SV2C: variants seen among roughly 807,000 people sequenced by gnomAD.
The protein encoded by SV2C is solute carrier family 22 member B3.
In SV2C, 49 loss-of-function variants were observed where a neutral mutation model predicts 79.7. That is an observed-to-expected ratio of 0.61 (90% CI 0.49 to 0.78). The LOEUF is 0.78. Among genes scored for constraint, SV2C ranks in the 30% least tolerant of loss-of-function variants. The probability of loss-of-function intolerance (pLI) is 0.00; values close to 1 mark genes in which losing one functional copy is unlikely to be tolerated. For synonymous variants in SV2C, 334 were observed against 333.2 expected (o/e 1.00, Z -0.03); for missense variants, 833 against 912.9 (o/e 0.91, Z 1.13).
the SV2C span, among the ~76,000 whole-genome samples, chr5:76,012,881 T>C: frequency 6.6e-6 from 1 of 152,148 alleles, no homozygotes; most frequent in African/African-American, 2.4e-5. Flanking sequence ...CCATTGCTTG[T>C]TTTTGTGAGG....
the SV2C span, among the ~76,000 whole-genome samples, chr5:75,906,433 CT>C: frequency 2.6e-3 from 353 of 137,000 alleles, no homozygotes; most frequent in Admixed American, 3.1e-3. Flanking sequence ...TTCATGTCTG[CT>C]TTTTTTTTTT....
intron 4 of SV2C, among the ~76,000 whole-genome samples, chr5:76,264,659 T>G (rs2972824): frequency 6.6e-6 from 1 of 152,004 alleles, no homozygotes; most frequent in South Asian, 2.1e-4. Context: ...TACTGCTGTC[T>G]GTTTGTTAGT....
chr5:76,105,829 TG>T (rs750016514), intron 1 of SV2C, among the ~76,000 whole-genome samples: 185 of 152,268 alleles, frequency 1.2e-3, no homozygotes, highest in Middle Eastern at 3.4e-3. Flanking sequence ...CAATCTTCTT[TG>T]CTGGTTTACG....
At chr5:76,287,243 G>A (rs1747387178) in intron 6 of SV2C, among the ~76,000 whole-genome samples, 1 of 152,084 alleles carries the variant, frequency 6.6e-6, no homozygotes, top group Admixed American at 6.6e-5. Flanking sequence ...TTCACACATG[G>A]CCATTTCTTA....
the SV2C span, among the ~76,000 whole-genome samples, chr5:76,023,246 G>T: frequency 6.6e-6 from 1 of 152,120 alleles, no homozygotes; most frequent in Non-Finnish European, 1.5e-5. Context: ...TCAAGCTACT[G>T]TATTTTCCCC....
At chr5:76,184,600 C>A (rs545832608) in intron 2 of SV2C, among the ~76,000 whole-genome samples, 3 of 152,282 alleles carry the variant, frequency 2.0e-5, no homozygotes, top group Non-Finnish European at 4.4e-5. Context: ...CTTCATAGGG[C>A]GGCAGGAGAG....
chr5:75,996,610 C>T, the SV2C span, among the ~76,000 whole-genome samples: 1 of 152,064 alleles, frequency 6.6e-6, no homozygotes, highest in African/African-American at 2.4e-5. Context: ...TTCTTCCTAC[C>T]CATGAGCATG....
the SV2C span, among the ~76,000 whole-genome samples, chr5:75,952,897 C>T: frequency 6.6e-6 from 1 of 152,022 alleles, no homozygotes; most frequent in Non-Finnish European, 1.5e-5. Flanking sequence ...CCACATATCT[C>T]CAAAGCTTAC....
intron 10 of SV2C, among the ~76,000 whole-genome samples, 180 bp downstream of exon 10, chr5:76,299,107 T>C (rs1747888653): frequency 6.6e-6 from 1 of 152,176 alleles, no homozygotes. Context: ...TTTGTCAGAT[T>C]TAGTGCAAAT....
chr5:76,200,821 T>G (rs1744420725), intron 3 of SV2C, among the ~76,000 whole-genome samples: 3 of 152,108 alleles, frequency 2.0e-5, no homozygotes, highest in Admixed American at 2.0e-4. Context: ...TAAAAATGTT[T>G]TGTACAAACA....
At chr5:76,120,707 T>G (rs924610501) in intron 1 of SV2C, among the ~76,000 whole-genome samples, 2 of 150,788 alleles carry the variant, frequency 1.3e-5, no homozygotes, top group Admixed American at 6.6e-5. Flanking sequence ...TCATCATTTT[T>G]TATGGCTGCA....
the SV2C span, among the ~76,000 whole-genome samples, chr5:75,935,154 A>G: frequency 6.6e-5 from 10 of 152,318 alleles, no homozygotes; most frequent in African/African-American, 1.9e-4. Flanking sequence ...TCTAAAATAG[A>G]TATTCAAAAT....
At chr5:76,201,879 G>A (rs991633756) in intron 3 of SV2C, among the ~76,000 whole-genome samples, 2 of 151,876 alleles carry the variant, frequency 1.3e-5, no homozygotes, top group Admixed American at 6.6e-5. Flanking sequence ...TTAGCCAGGC[G>A]TGGTGGCAGG....
At chr5:75,992,268 G>A in the SV2C span, among the ~76,000 whole-genome samples, 1 of 151,888 alleles carries the variant, frequency 6.6e-6, no homozygotes, top group African/African-American at 2.4e-5. Flanking sequence ...TTGCCTAAGT[G>A]GAAGCAGGAT....
chr5:75,953,262 A>G, the SV2C span, among the ~76,000 whole-genome samples: 1 of 151,956 alleles, frequency 6.6e-6, no homozygotes, highest in African/African-American at 2.4e-5. Flanking sequence ...GAGAGGATTT[A>G]TCTAGGCATG....
intron 2 of SV2C, among the ~76,000 whole-genome samples, 185 bp downstream of exon 2, chr5:76,132,515 C>T (rs1359546637): frequency 1.3e-5 from 2 of 151,888 alleles, no homozygotes; most frequent in Non-Finnish European, 2.9e-5. Context: ...CTGTGTATAC[C>T]CACCACCTAG....
the SV2C span, among the ~76,000 whole-genome samples, chr5:75,984,535 G>GT: frequency 1.1e-5 from 1 of 94,550 alleles, no homozygotes; most frequent in African/African-American, 4.3e-5. Flanking sequence ...AGATCTATCT[G>GT]CCTATCTATC....
intron 7 of SV2C, 35 bp from the exon 8 acceptor site, chr5:76,291,733 C>G: frequency 6.6e-7 from 1 of 1,506,264 alleles, no homozygotes; most frequent in Non-Finnish European, 9.2e-7. Flanking sequence ...GACTAAGTAA[C>G]TGCATGAGAA....
chr5:76,182,342 T>G lies in SV2C; in HGVS notation c.581-12577T>G, dbSNP rs569481678. 1.6e-4 allele frequency among the ~76,000 whole-genome samples: 25 copies of G among 152,294 alleles called. No individual in the cohort carries two copies. The South Asian group carries it at 5.0e-3, about 30-fold the overall frequency. The stretch of plus-strand genomic sequence containing the variant: ...CTATCCCAAGCTGGAATCCTTAATG[T>G]GAACTTCAACTCTTCTTTGCCTCAC... On this transcript the variant is annotated intron_variant, in intron 2 of 12. Coordinates refer to ENST00000502798, the MANE Select transcript of SV2C (RefSeq NM_014979.4).
Sources: allele counts gnomAD v4.1 joint callset (sites outside exome capture counted in the v4.1 genomes callset), GRCh38; gene constraint gnomAD v4.1.1; transcripts MANE v1.5; gene names NCBI Gene and HGNC (gene_info 2026-07-23, HGNC 2026-07-21).